The following SHISA2 variants were observed in gnomAD, a reference collection of about 807,000 sequenced individuals.
The protein encoded by SHISA2 is protein shisa-2 homolog.
SHISA2 carries 16 observed loss-of-function variants against 23.8 expected under a neutral mutation model. The observed-to-expected ratio is 0.67, with a 90% CI of 0.46 to 1.02. The LOEUF is 1.02. SHISA2 is among the 50% of genes least tolerant of loss of function. SHISA2 has a pLI of 0.00. For missense variants in SHISA2, 459 were observed against 420.1 expected, an observed-to-expected ratio of 1.09 and a Z score of -0.81; for synonymous variants, 201 against 178.6, an observed-to-expected ratio of 1.13 and a Z score of -1.00.
chr13:26,050,886 C>A lies in SHISA2; in HGVS notation c.90G>T (p.Gly30=). 2.6e-6 allele frequency: 4 copies of A among 1,520,542 alleles called. No homozygotes were observed. Among genetic ancestry groups the A allele is most frequent in the Non-Finnish European group, 3.5e-6 (4 of 1,141,584 alleles). 94.2% of individuals were successfully genotyped at this position (1,520,542 alleles called of 1,614,324 possible). A position where few individuals can be genotyped will look rare whatever the true frequency, so the allele number is the denominator to read the frequency against. ...GGCAGTACTCGCCGCTGGCCCTCGC[C>A]CCCGCCGCCAGCAGCGCAGCCAGCA... ...QLLLAALLAA[G]ARASGEYCHG... The change falls in exon 1 of 2, where the codon GGG becomes GGT. Residue 30 remains glycine (G), a synonymous_variant. Coordinates refer to ENST00000319420, the MANE Select transcript of SHISA2 (RefSeq NM_001007538.2).
rs548756735 is a variant in SHISA2 at position 26,050,683 on chromosome 13, T to C, written c.293A>G (p.Glu98Gly). 24 of 1,460,778 alleles carry C rather than the reference T, an allele frequency of 1.6e-5. No homozygotes were observed. In the South Asian group the frequency reaches 3.1e-4, roughly 19 times the overall value. 90.5% of individuals were successfully genotyped at this position (1,460,778 alleles called of 1,614,324 possible). ...CDNDRQQGAG[E>G]PGRADKDGPD... ...GCCGTCTTTGTCCGCCCGGCCAGGC[T>C]CGCCAGCGCCCTGCTGGCGGTCATT... The change falls in exon 1 of 2, where the codon GAG becomes GGG. Residue 98 changes from glutamate (E) to glycine (G), a missense_variant. Transcript: ENST00000319420.
rs1248182508 is a variant in SHISA2, at chr13:26,047,068, T to C, written c.335-2A>G. ...TGAGGAACGGCACGTAGATGGGCAC[T>C]GAAGCAAAGGACAGAAACACAACAT... On this transcript the variant is annotated splice_acceptor_variant, in intron 1 of 1. Coordinates refer to ENST00000319420, the MANE Select transcript of SHISA2 (RefSeq NM_001007538.2). LOFTEE classifies it high-confidence loss of function. 1 of 1,533,710 alleles carries C rather than the reference T, an allele frequency of 6.5e-7. No homozygotes were observed. Among genetic ancestry groups the C allele is most frequent in the African/African-American group, 1.4e-5 (1 of 72,194 alleles).
rs963682086 is a variant in SHISA2 at position 26,044,737 on chromosome 13, G to A, written c.*1776C>T. 1 of 152,194 alleles carries A rather than the reference G, an allele frequency of 6.6e-6. No individual in the cohort carries two copies. The highest frequency in any genetic ancestry group is 1.5e-5 in the Non-Finnish European group (1 of 68,040). The allele number at this position is 152,194 out of a possible 1,614,324, so 9.4% of individuals were successfully genotyped here. A position where few individuals can be genotyped will look rare whatever the true frequency, so the allele number is the denominator to read the frequency against. Reference sequence around the variant, plus strand: ...CATGAAACAGAATAGAAAGATGATCGATAGATATCTATAGACATAAATGTG... The same window carrying A: ...CATGAAACAGAATAGAAAGATGATCAATAGATATCTATAGACATAAATGTG... On this transcript the variant is annotated 3_prime_UTR_variant, in exon 2 of 2. Coordinates refer to ENST00000319420, the MANE Select transcript of SHISA2 (RefSeq NM_001007538.2).
At chr13:26,047,456 T>C (rs1957276028) in intron 1 of SHISA2, among the ~76,000 whole-genome samples, 1 of 152,242 alleles carries the variant, frequency 6.6e-6, no homozygotes, top group Admixed American at 6.5e-5. Context: ...CATATTGTTG[T>C]AGGATCTTCA....
chr13:26,051,103 C>G lies in SHISA2; in HGVS notation c.-128G>C. 1 of 850,404 alleles carries G rather than the reference C, an allele frequency of 1.2e-6. No individual in the cohort carries two copies. Among genetic ancestry groups the G allele is most frequent in the Non-Finnish European group, 1.7e-6 (1 of 593,580 alleles). The allele number at this position is 850,404 out of a possible 1,614,324, so 52.7% of individuals were successfully genotyped here. ...CGGCGCTTTCCGCGCGGGCCACTCCCCTCTGCCGCGACGCCCAGGAGGCGA... is the reference window on the plus strand; with the variant it reads ...CGGCGCTTTCCGCGCGGGCCACTCCGCTCTGCCGCGACGCCCAGGAGGCGA... On this transcript the variant is annotated 5_prime_UTR_variant, in exon 1 of 2. Transcript: ENST00000319420.
At position 26,052,001 on chromosome 13, in the gene SHISA2, G is replaced by C. The variant is rs1957308610; in HGVS notation, c.-1026C>G. The stretch of plus-strand genomic sequence containing the variant: ...CCTCGCCTCGCCCCGCCCGGCGCCA[G>C]ACCAGCTCCGACTCCGCTCGCTGCC... On this transcript the variant is annotated 5_prime_UTR_variant, in exon 1 of 2. Coordinates refer to ENST00000319420, the MANE Select transcript of SHISA2 (RefSeq NM_001007538.2). Among the ~76,000 whole-genome samples the C allele has an allele frequency of 6.6e-6, 1 of 152,110 alleles. No individual in the cohort carries two copies. Among genetic ancestry groups the C allele is most frequent in the African/African-American group, 2.4e-5 (1 of 41,416 alleles).
In SHISA2 at chr13:26,046,997, AC is replaced by A; in HGVS notation, c.403del (p.Val135TrpfsTer26). The A allele has an allele frequency of 6.3e-7, 1 of 1,594,008 alleles. No homozygotes were observed. The highest frequency in any genetic ancestry group is 8.6e-7 in the Non-Finnish European group (1 of 1,168,400). On this transcript the variant is annotated frameshift_variant, in exon 2 of 2. Transcript: ENST00000319420. LOFTEE classifies it high-confidence loss of function. Reference sequence around the variant, plus strand: ...GAGACATCTGCAGCAACAGGCTGCCACCAGGGACCCCAAGATGATAAAGGCG... The same window carrying A: ...GAGACATCTGCAGCAACAGGCTGCCACAGGGACCCCAAGATGATAAAGGCG... ...FVAFIILGSL[V>X]AACCCRCLRP...
chr13:26,050,145 G>A (rs1957291825), intron 1 of SHISA2, among the ~76,000 whole-genome samples: 1 of 152,222 alleles, frequency 6.6e-6, no homozygotes, highest in Non-Finnish European at 1.5e-5. Context: ...GGGGAGAGGG[G>A]CCGCCGCGTG....
rs1384772072 is a variant in SHISA2, at chr13:26,052,009, C to G, written c.-1034G>C. 6.6e-6 allele frequency among the ~76,000 whole-genome samples: 1 copy of G among 152,124 alleles called. No individual in the cohort carries two copies. Among genetic ancestry groups the G allele is most frequent in the South Asian group, 2.1e-4 (1 of 4,826 alleles). ...CGCCCCGCCCGGCGCCAGACCAGCT[C>G]CGACTCCGCTCGCTGCCGCGCTGAG... On this transcript the variant is annotated 5_prime_UTR_variant, in exon 1 of 2. Coordinates refer to ENST00000319420, the MANE Select transcript of SHISA2 (RefSeq NM_001007538.2).
At position 26,046,249 on chromosome 13, in the gene SHISA2, G is replaced by A. The variant is rs1957266446; in HGVS notation, c.*264C>T. On this transcript the variant is annotated 3_prime_UTR_variant, in exon 2 of 2. Coordinates refer to ENST00000319420, the MANE Select transcript of SHISA2 (RefSeq NM_001007538.2). ...GTCAACCATATCTCAAGGGCACTTC[G>A]GACTCAAGCATTTGTTATACACCCA... 4 of 374,558 alleles carry A rather than the reference G, an allele frequency of 1.1e-5. No homozygotes were observed. Among genetic ancestry groups the A allele is most frequent in the African/African-American group, 4.1e-5 (2 of 49,036 alleles). The allele number at this position is 374,558 out of a possible 1,614,324, so 23.2% of individuals were successfully genotyped here.
chr13:26,047,969 T>C (rs1193734083), intron 1 of SHISA2, among the ~76,000 whole-genome samples: 1 of 152,140 alleles, frequency 6.6e-6, no homozygotes, highest in Non-Finnish European at 1.5e-5. Flanking sequence ...AAAGTAAAAA[T>C]AAAAACCTTT....
rs933264021 is a variant in SHISA2 at position 26,052,015 on chromosome 13, C to G, written c.-1040G>C. On this transcript the variant is annotated 5_prime_UTR_variant, in exon 1 of 2. Transcript: ENST00000319420. Reference sequence around the variant, plus strand: ...GCCCGGCGCCAGACCAGCTCCGACTCCGCTCGCTGCCGCGCTGAGCCGCGC... The same window carrying G: ...GCCCGGCGCCAGACCAGCTCCGACTGCGCTCGCTGCCGCGCTGAGCCGCGC... Among the ~76,000 whole-genome samples the G allele has an allele frequency of 1.3e-5, 2 of 152,154 alleles. No individual in the cohort carries two copies. The highest frequency in any genetic ancestry group is 2.9e-5 in the Non-Finnish European group (2 of 68,026).
At chr13:26,049,980 C>A (rs1957290419) in intron 1 of SHISA2, among the ~76,000 whole-genome samples, 1 of 151,878 alleles carries the variant, frequency 6.6e-6, no homozygotes, top group South Asian at 2.1e-4. Context: ...CAAATTCTTT[C>A]ACGGGTTTAC....
intron 1 of SHISA2, among the ~76,000 whole-genome samples, chr13:26,048,435 T>A (rs1957280025): frequency 6.6e-6 from 1 of 152,080 alleles, no homozygotes; most frequent in African/African-American, 2.4e-5. Flanking sequence ...GCCTGCAGAA[T>A]GCCTCTGAGC....
intron 1 of SHISA2, among the ~76,000 whole-genome samples, chr13:26,049,325 A>T (rs978252137): frequency 6.6e-6 from 1 of 152,224 alleles, no homozygotes; most frequent in Admixed American, 6.5e-5. Flanking sequence ...ATTTTTAGGA[A>T]AAAAACGTTT....
rs1443384389 is a variant in SHISA2 at position 26,047,060 on chromosome 13, A to C, written c.341T>G (p.Ile114Ser). The change falls in exon 2 of 2, where the codon ATC becomes AGC. Residue 114 changes from isoleucine to serine, a missense_variant. Physicochemically the swap from Ile to Ser is moderately radical, Grantham distance 142 (BLOSUM62 -2). Transcript: ENST00000319420. The stretch of plus-strand genomic sequence containing the variant: ...GCCAACAATGAGGAACGGCACGTAG[A>C]TGGGCACTGAAGCAAAGGACAGAAA... Reference protein sequence around the residue: ...KDGPDGSAVPIYVPFLIVGSV... With the variant: ...KDGPDGSAVPSYVPFLIVGSV... 2.6e-6 allele frequency: 4 copies of C among 1,541,676 alleles called. No individual in the cohort carries two copies.
Position 26,047,718 on chromosome 13 carries a change from G to A in SHISA2, c.335-652C>T, listed in dbSNP as rs1957277033. ...TTCCTTAGCAAAAGCCAGGGTCCTT[G>A]GGTGGCATTGGGTCCAGGTGATGGG... On this transcript the variant is annotated intron_variant, in intron 1 of 1. Coordinates refer to ENST00000319420, the MANE Select transcript of SHISA2 (RefSeq NM_001007538.2). Among the ~76,000 whole-genome samples, 4 of 152,308 alleles carry A rather than the reference G, an allele frequency of 2.6e-5. No individual in the cohort carries two copies. In the South Asian group the frequency reaches 8.3e-4, roughly 32 times the overall value.
In SHISA2 at chr13:26,046,435, CAT is replaced by C; in HGVS notation, c.*76_*77del. 6.2e-6 allele frequency: 9 copies of C among 1,441,006 alleles called. No homozygotes were observed. The highest frequency in any genetic ancestry group is 7.5e-6 in the Non-Finnish European group (8 of 1,071,362). The allele number at this position is 1,441,006 out of a possible 1,614,324, so 89.3% of individuals were successfully genotyped here. A position where few individuals can be genotyped will look rare whatever the true frequency, so the allele number is the denominator to read the frequency against. ...GGAATCGTGCCATAAATACCACCGA[CAT>C]GTGCGGACTTCCACCTCGAGAATCC... On this transcript the variant is annotated 3_prime_UTR_variant, in exon 2 of 2. Coordinates refer to ENST00000319420, the MANE Select transcript of SHISA2 (RefSeq NM_001007538.2).
chr13:26,050,643 TGCCG>T lies in SHISA2; in HGVS notation c.329_332del (p.Ser110Ter). On this transcript the variant is annotated frameshift_variant and splice_region_variant, in exon 1 of 2. Coordinates refer to ENST00000319420, the MANE Select transcript of SHISA2 (RefSeq NM_001007538.2). LOFTEE classifies it high-confidence loss of function. Reference sequence around the variant, plus strand: ...CGCGCTGGGCGCAGGCCGCCCTACCTGCCGAGCCGTCGGGGCCGTCTTTGTCCGC... The same window carrying T: ...CGCGCTGGGCGCAGGCCGCCCTACCTAGCCGTCGGGGCCGTCTTTGTCCGC... The T allele has an allele frequency of 7.2e-7, 1 of 1,397,758 alleles. No individual in the cohort carries two copies. 86.6% of individuals were successfully genotyped at this position (1,397,758 alleles called of 1,614,324 possible).
Sources: allele counts gnomAD v4.1 joint callset (sites outside exome capture counted in the v4.1 genomes callset), GRCh38; gene constraint gnomAD v4.1.1; transcripts MANE v1.5; gene names NCBI Gene and HGNC (gene_info 2026-07-23, HGNC 2026-07-21).